PTPRD: variants seen among roughly 807,000 people sequenced by gnomAD.
PTPRD encodes protein tyrosine phosphatase receptor type D.
A neutral mutation model predicts 214.5 loss-of-function variants in PTPRD; 34 were observed. That is an observed-to-expected ratio of 0.16 (90% CI 0.12 to 0.21). The LOEUF is 0.21. PTPRD is among the 10% of genes least tolerant of loss of function. The probability of loss-of-function intolerance (pLI) is 1.00; values close to 1 mark genes in which losing one functional copy is unlikely to be tolerated. For missense variants in PTPRD, 2,545 were observed against 2,398.7 expected, an observed-to-expected ratio of 1.06 and a Z score of -1.27; for synonymous variants, 1,128 against 845.7, an observed-to-expected ratio of 1.33 and a Z score of -5.79.
At chr9:9,393,674 T>C (rs1447843220) in intron 9 of PTPRD, among the ~76,000 whole-genome samples, 1 of 152,170 alleles carries the variant, frequency 6.6e-6, no homozygotes, top group East Asian at 1.9e-4. Flanking sequence ...AAATTCAGCC[T>C]CCATTATTTG....
At chr9:9,979,360 G>C (rs1025292947) in intron 4 of PTPRD, among the ~76,000 whole-genome samples, 19 of 151,714 alleles carry the variant, frequency 1.3e-4, no homozygotes, top group African/African-American at 4.6e-4. Flanking sequence ...ATTTCAGTAA[G>C]GTTTTTAAAA....
At chr9:10,396,862 G>A (rs531513822) in intron 2 of PTPRD, among the ~76,000 whole-genome samples, 29 of 151,942 alleles carry the variant, frequency 1.9e-4, no homozygotes, top group Non-Finnish European at 3.2e-4. Flanking sequence ...AGATTGAAGG[G>A]AGCTGTGAAC....
intron 10 of PTPRD, among the ~76,000 whole-genome samples, chr9:9,093,438 A>C (rs1185934349): frequency 6.6e-6 from 1 of 151,982 alleles, no homozygotes; most frequent in African/African-American, 2.4e-5. Context: ...CCAGGCCATA[A>C]AACAAGTCTT....
intron 9 of PTPRD, among the ~76,000 whole-genome samples, chr9:9,324,028 T>A (rs1968275443): frequency 6.6e-6 from 1 of 152,184 alleles, no homozygotes; most frequent in Non-Finnish European, 1.5e-5. Context: ...CTCATCCTTT[T>A]TTATGGCTGC....
chr9:9,824,402 T>C (rs1183318137), intron 5 of PTPRD, among the ~76,000 whole-genome samples: 2 of 152,032 alleles, frequency 1.3e-5, no homozygotes, highest in Admixed American at 1.3e-4. Context: ...ACTTGAGAAC[T>C]AAATAATTTT....
chr9:8,924,383 T>G (rs1313240097), intron 11 of PTPRD, among the ~76,000 whole-genome samples: 1 of 152,190 alleles, frequency 6.6e-6, no homozygotes, highest in African/African-American at 2.4e-5. Context: ...CAAAACCTAG[T>G]CCTTGGTGGG....
chr9:8,726,569 T>TAA (rs764810328), intron 12 of PTPRD, among the ~76,000 whole-genome samples: 133 of 1,976 alleles, frequency 0.067, 44 homozygotes, highest in Non-Finnish European at 0.098. Flanking sequence ...CGGTCTCTAC[T>TAA]AAAAAAAAAA....
At chr9:9,124,602 C>T (rs962338431) in intron 10 of PTPRD, among the ~76,000 whole-genome samples, 1 of 152,074 alleles carries the variant, frequency 6.6e-6, no homozygotes, top group Non-Finnish European at 1.5e-5. Flanking sequence ...CTAACAAAAC[C>T]GAACTGTTCA....
chr9:8,989,682 G>T (rs1331371704), intron 11 of PTPRD, among the ~76,000 whole-genome samples: 1 of 151,906 alleles, frequency 6.6e-6, no homozygotes, highest in Non-Finnish European at 1.5e-5. Flanking sequence ...AAAGGGTTTG[G>T]AAAGGCATGA....
chr9:8,659,111 G>A (rs2096976990), intron 12 of PTPRD, among the ~76,000 whole-genome samples: 1 of 152,096 alleles, frequency 6.6e-6, no homozygotes, highest in Non-Finnish European at 1.5e-5. Context: ...AGGACACTGT[G>A]CCATTCCTTT....
intron 11 of PTPRD, among the ~76,000 whole-genome samples, chr9:8,796,226 T>G (rs192093657): frequency 1.3e-3 from 196 of 152,310 alleles, no homozygotes; most frequent in African/African-American, 4.3e-3. Context: ...GCCCCAATTC[T>G]TAATTGCCAA....
chr9:9,538,822 A>G (rs1057381718), intron 8 of PTPRD, among the ~76,000 whole-genome samples: 1 of 151,976 alleles, frequency 6.6e-6, no homozygotes, highest in Non-Finnish European at 1.5e-5. Flanking sequence ...AACTGAACCT[A>G]CATTCAAATT....
At chr9:8,495,349 C>G (rs764095366) in intron 26 of PTPRD, among the ~76,000 whole-genome samples, 1 of 152,148 alleles carries the variant, frequency 6.6e-6, no homozygotes, top group African/African-American at 2.4e-5. Flanking sequence ...CCAATTCTTC[C>G]TTTTATTGAT....
intron 8 of PTPRD, among the ~76,000 whole-genome samples, chr9:9,489,200 T>C (rs2095795891): frequency 6.6e-6 from 1 of 152,150 alleles, no homozygotes; most frequent in Admixed American, 6.6e-5. Context: ...TCTGGAAAAC[T>C]TTAAGCTTAC....
At chr9:10,479,959 G>T (rs2099087411) in intron 2 of PTPRD, among the ~76,000 whole-genome samples, 4 of 152,074 alleles carry the variant, frequency 2.6e-5, no homozygotes. Context: ...TCGTTTTTAA[G>T]AATCAAATTT....
chr9:8,433,725 T>C (rs2132330174), intron 35 of PTPRD, among the ~76,000 whole-genome samples: 1 of 152,292 alleles, frequency 6.6e-6, no homozygotes, highest in South Asian at 2.1e-4. Context: ...TTAAGCTAAG[T>C]GATATCAAAA....
At chr9:9,323,401 T>C (rs749789787) in intron 9 of PTPRD, among the ~76,000 whole-genome samples, 1 of 152,112 alleles carries the variant, frequency 6.6e-6, no homozygotes, top group Non-Finnish European at 1.5e-5. Flanking sequence ...ATCCTAACCT[T>C]AAGGTTGAGA....
intron 3 of PTPRD, among the ~76,000 whole-genome samples, chr9:10,212,942 A>G (rs902503214): frequency 3.9e-5 from 6 of 152,160 alleles, no homozygotes; most frequent in African/African-American, 1.2e-4. Context: ...CAGAAATGCA[A>G]TGAAGTTATT....
At chr9:9,799,680 G>T (rs1253986144) in intron 5 of PTPRD, 4 of 152,052 alleles carry the variant, frequency 2.6e-5, no homozygotes, top group African/African-American at 9.7e-5. Flanking sequence ...ATAAAAAGGG[G>T]GGTAAGCATT....
Sources: gnomAD v4.1 joint callset for allele counts (sites outside exome capture counted in the v4.1 genomes callset) on GRCh38, gnomAD v4.1.1 for gene constraint, MANE v1.5 for transcripts, NCBI Gene and HGNC (gene_info 2026-07-23, HGNC 2026-07-21) for gene names.